Variants in EXOC4 observed in about 807,000 individuals in gnomAD.
EXOC4 encodes the protein exocyst complex component 4.
In EXOC4, 71 loss-of-function variants were observed where a neutral mutation model predicts 107.2. That is an observed-to-expected ratio of 0.66 (90% CI 0.55 to 0.81). The LOEUF (loss-of-function observed/expected upper bound fraction) is 0.81. Among genes scored for constraint, EXOC4 ranks in the 30% least tolerant of loss-of-function variants. The pLI is 0.00. For synonymous variants in EXOC4, 456 were observed against 441.2 expected (o/e 1.03, Z -0.42); for missense variants, 1,108 against 1,189.6 (o/e 0.93, Z 1.01).
chr7:133,609,120 T>C (rs1485299935), intron 9 of EXOC4, among the ~76,000 whole-genome samples: 1 of 152,186 alleles, frequency 6.6e-6, no homozygotes, highest in African/African-American at 2.4e-5. Flanking sequence ...CCTTCTTAGA[T>C]AGCCACAAAT....
At chr7:133,799,613 T>C (rs1796891166) in intron 10 of EXOC4, among the ~76,000 whole-genome samples, 2 of 152,140 alleles carry the variant, frequency 1.3e-5, no homozygotes, top group African/African-American at 4.8e-5. Flanking sequence ...TGCAGAGATA[T>C]GGGAATGTAA....
chr7:133,811,396 T>G (rs1797227772), intron 10 of EXOC4, among the ~76,000 whole-genome samples: 1 of 152,194 alleles, frequency 6.6e-6, no homozygotes, highest in Non-Finnish European at 1.5e-5. Context: ...TTCTATACCC[T>G]TGACTCTCAC....
chr7:133,644,272 C>A (rs62470058), intron 10 of EXOC4, among the ~76,000 whole-genome samples: 2 of 152,168 alleles, frequency 1.3e-5, no homozygotes, highest in Admixed American at 6.5e-5. Flanking sequence ...ATTCTGATTG[C>A]TGCTCTGCCC....
intron 7 of EXOC4, among the ~76,000 whole-genome samples, chr7:133,453,552 A>G (rs533273290): frequency 1.3e-5 from 2 of 152,268 alleles, no homozygotes; most frequent in African/African-American, 2.4e-5. Context: ...CTTTCAGACT[A>G]CTTTTCTAGA....
chr7:133,949,651 A>G (rs1800642976), intron 14 of EXOC4, among the ~76,000 whole-genome samples: 1 of 152,222 alleles, frequency 6.6e-6, no homozygotes, highest in African/African-American at 2.4e-5. Flanking sequence ...ATAACCTTTC[A>G]CTGTGGATGT....
chr7:133,375,670 G>T (rs1796474118), intron 7 of EXOC4, among the ~76,000 whole-genome samples: 1 of 151,946 alleles, frequency 6.6e-6, no homozygotes, highest in Non-Finnish European at 1.5e-5. Context: ...TAATTTTGTT[G>T]ACTATTTCCT....
At chr7:133,300,742 GT>G (rs111455908) in intron 3 of EXOC4, among the ~76,000 whole-genome samples, 3,197 of 152,274 alleles carry the variant, frequency 0.021, 110 homozygotes, top group African/African-American at 0.073. Flanking sequence ...AAAGAGTGCT[GT>G]GATGTCCCAG....
Position 133,526,542 on chromosome 7 carries a change from T to C in EXOC4, c.1417+46404T>C, listed in dbSNP as rs141425422. Among the ~76,000 whole-genome samples, 448 of 152,356 alleles carry C rather than the reference T, an allele frequency of 2.9e-3. 4 individuals carry two copies. Among genetic ancestry groups the C allele is most frequent in the African/African-American group, 0.01 (424 of 41,590 alleles). On this transcript the variant is annotated intron_variant, in intron 9 of 17. Coordinates refer to ENST00000253861, the MANE Select transcript of EXOC4 (RefSeq NM_021807.4). ...GAGAGAAGCTTACCAGGATGTGACT[T>C]TCTGAAGCCAGTGAATTTATCATGA...
At chr7:133,686,002 C>A (rs10246665) in intron 10 of EXOC4, among the ~76,000 whole-genome samples, 4 of 151,936 alleles carry the variant, frequency 2.6e-5, no homozygotes, top group African/African-American at 9.7e-5. Flanking sequence ...TTAAGATAAC[C>A]GCCTCTAATT....
At chr7:133,390,126 G>T (rs1796819982) in intron 7 of EXOC4, among the ~76,000 whole-genome samples, 2 of 152,258 alleles carry the variant, frequency 1.3e-5, no homozygotes, top group South Asian at 2.1e-4. Flanking sequence ...CAGGGGAGAG[G>T]TAAGGGCAGG....
chr7:133,607,758 C>T (rs994014801), intron 9 of EXOC4, among the ~76,000 whole-genome samples: 8 of 152,198 alleles, frequency 5.3e-5, no homozygotes, highest in Non-Finnish European at 1.2e-4. Context: ...AGTAGAAGTG[C>T]GGGTTATTAT....
At chr7:133,575,041 G>T (rs938894807) in intron 9 of EXOC4, among the ~76,000 whole-genome samples, 1 of 152,188 alleles carries the variant, frequency 6.6e-6, no homozygotes, top group Non-Finnish European at 1.5e-5. Flanking sequence ...ATACACACGT[G>T]TTGAAAAGAG....
intron 7 of EXOC4, among the ~76,000 whole-genome samples, chr7:133,394,232 T>C (rs780475544): frequency 3.3e-5 from 5 of 152,226 alleles, no homozygotes; most frequent in Non-Finnish European, 7.3e-5. Flanking sequence ...TGATAATAGG[T>C]TAAGTGAAAT....
intron 14 of EXOC4, 117 bp from the exon 15 acceptor site, chr7:133,997,375 C>A: frequency 4.7e-6 from 5 of 1,059,670 alleles, no homozygotes; most frequent in Non-Finnish European, 6.9e-6. Flanking sequence ...TCTAATGCTG[C>A]CAACACTAGT....
At chr7:133,985,653 A>G (rs1156621178) in intron 14 of EXOC4, among the ~76,000 whole-genome samples, 1 of 152,080 alleles carries the variant, frequency 6.6e-6, no homozygotes, top group Non-Finnish European at 1.5e-5. Context: ...GTCACAAACC[A>G]CCCATTCTCT....
intron 15 of EXOC4, among the ~76,000 whole-genome samples, chr7:133,998,362 G>C (rs937309073): frequency 1.3e-5 from 2 of 152,164 alleles, no homozygotes; most frequent in Non-Finnish European, 2.9e-5. Context: ...GCCAAGAGTG[G>C]CTGGGGCTGA....
At chr7:134,039,632 T>A (rs1466509900) in intron 17 of EXOC4, among the ~76,000 whole-genome samples, 1 of 152,158 alleles carries the variant, frequency 6.6e-6, no homozygotes, top group Non-Finnish European at 1.5e-5. Flanking sequence ...CAGCTGGTCA[T>A]ATTGCTTTTC....
intron 7 of EXOC4, among the ~76,000 whole-genome samples, chr7:133,378,027 T>C (rs574201373): frequency 2.6e-5 from 4 of 152,252 alleles, no homozygotes; most frequent in African/African-American, 9.6e-5. Context: ...AGAAAGTTTT[T>C]CAGCCATGCG....
At chr7:133,976,359 A>C (rs1289864659) in intron 14 of EXOC4, among the ~76,000 whole-genome samples, 2 of 152,242 alleles carry the variant, frequency 1.3e-5, no homozygotes, top group Non-Finnish European at 2.9e-5. Flanking sequence ...AAAGCGTCAG[A>C]TGGCATCTGG....
Sources: allele counts gnomAD v4.1 joint callset (sites outside exome capture counted in the v4.1 genomes callset), GRCh38; gene constraint gnomAD v4.1.1; transcripts MANE v1.5; gene names NCBI Gene and HGNC (gene_info 2026-07-23, HGNC 2026-07-21).